The following GRIA4 variants were observed in gnomAD, a reference collection of about 807,000 sequenced individuals.
GRIA4 encodes glutamate ionotropic receptor AMPA type subunit 4, also known as glutamate receptor 4.
A neutral mutation model predicts 104.0 loss-of-function variants in GRIA4; 34 were observed. The ratio of observed to expected loss-of-function variants is 0.33; its 90% CI spans 0.25 to 0.44. The LOEUF is 0.44. GRIA4 is among the 20% of genes least tolerant of loss of function. The pLI is 1.00. For missense variants in GRIA4, 750 were observed against 1,096.5 expected (o/e 0.68, Z 4.46); for synonymous variants, 386 against 381.9 (o/e 1.01, Z -0.13).
At chr11:105,677,143 C>G (rs1422491166) in intron 3 of GRIA4, among the ~76,000 whole-genome samples, 14 of 151,638 alleles carry the variant, frequency 9.2e-5, no homozygotes, top group Non-Finnish European at 1.9e-4. Context: ...GAGTGACAAC[C>G]AAGTGATCCA....
rs368925012 is a variant in GRIA4 at position 105,901,630 on chromosome 11, G to A, written c.886-2184G>A. 1.4e-4 allele frequency among the ~76,000 whole-genome samples: 22 copies of A among 152,100 alleles called. 1 individual carries two copies. The highest frequency in any genetic ancestry group is 9.7e-4 in the East Asian group (5 of 5,168). On this transcript the variant is annotated intron_variant, in intron 7 of 16. Transcript: ENST00000282499. ...CTGATTTAAACTACTTTTTCTTTCC[G>A]TCTATCAGCTCTATGACCTGTCAAA...
intron 4 of GRIA4, chr11:105,797,664 C>A (rs981377252): frequency 2.9e-5 from 9 of 308,422 alleles, no homozygotes; most frequent in South Asian, 2.3e-4. Context: ...TCAACTTAAT[C>A]GTGCTACCTT....
intron 3 of GRIA4, among the ~76,000 whole-genome samples, chr11:105,632,240 C>A (rs1951051933): frequency 6.6e-6 from 1 of 152,180 alleles, no homozygotes; most frequent in Admixed American, 6.5e-5. Context: ...CCTCTCTCAT[C>A]TCTTATAATT....
intron 6 of GRIA4, among the ~76,000 whole-genome samples, chr11:105,896,580 T>C (rs1413981780): frequency 6.6e-6 from 1 of 152,090 alleles, no homozygotes; most frequent in African/African-American, 2.4e-5. Flanking sequence ...CTTTAATCTA[T>C]CTTAATTTTG....
At chr11:105,885,864 C>T (rs1946237706) in intron 5 of GRIA4, among the ~76,000 whole-genome samples, 1 of 152,188 alleles carries the variant, frequency 6.6e-6, no homozygotes. Flanking sequence ...CCAGTGATAC[C>T]AATATTGCAG....
intron 7 of GRIA4, among the ~76,000 whole-genome samples, chr11:105,900,321 T>TA (rs1481165873): frequency 6.6e-6 from 1 of 152,106 alleles, no homozygotes; most frequent in African/African-American, 2.4e-5. Flanking sequence ...TTCCCTGCTT[T>TA]AAAAAAATCT....
chr11:105,842,269 G>C lies in GRIA4; in HGVS notation c.488-19755G>C, dbSNP rs114949497. ...AGTAGAGAGAGAATGACATTGTAAGGACTCTTTCCTTTGCCCTGAGGGACA... is the reference window on the plus strand; with the variant it reads ...AGTAGAGAGAGAATGACATTGTAAGCACTCTTTCCTTTGCCCTGAGGGACA... On this transcript the variant is annotated intron_variant, in intron 4 of 16. Transcript: ENST00000282499. Among the ~76,000 whole-genome samples, 440 of 152,284 alleles carry C rather than the reference G, an allele frequency of 2.9e-3. 2 individuals carry two copies. Among genetic ancestry groups the C allele is most frequent in the African/African-American group, 1.0e-2 (415 of 41,562 alleles).
intron 10 of GRIA4, chr11:105,912,600 G>T (rs1447028410): frequency 1.1e-5 from 5 of 434,918 alleles, no homozygotes; most frequent in African/African-American, 1.1e-4. Flanking sequence ...TGACAGTAAA[G>T]CCATCAATAT....
chr11:105,695,459 TC>T (rs1953238264), intron 3 of GRIA4, among the ~76,000 whole-genome samples: 2 of 124,886 alleles, frequency 1.6e-5, no homozygotes, highest in Admixed American at 9.2e-5. Flanking sequence ...TGTGTGTGTG[TC>T]TGTGTGTGTG....
intron 3 of GRIA4, among the ~76,000 whole-genome samples, chr11:105,626,336 T>C (rs1003287854): frequency 3.3e-5 from 5 of 151,706 alleles, no homozygotes; most frequent in Admixed American, 6.6e-5. Context: ...CAACAGAAAA[T>C]TCACATTGGA....
intron 15 of GRIA4, 116 bp downstream of exon 15, chr11:105,972,144 A>G (rs1375840537): frequency 3.9e-5 from 22 of 567,600 alleles, no homozygotes; most frequent in Non-Finnish European, 6.7e-5. Flanking sequence ...ACCACTGCCT[A>G]AATTAAAAGC....
At chr11:105,737,720 C>G (rs141996155) in intron 3 of GRIA4, among the ~76,000 whole-genome samples, 81 of 152,204 alleles carry the variant, frequency 5.3e-4, no homozygotes, top group African/African-American at 1.9e-3. Flanking sequence ...AAAATCCCTT[C>G]AGCAGAGCAG....
At chr11:105,763,272 A>T (rs1168561740) in intron 4 of GRIA4, among the ~76,000 whole-genome samples, 1 of 152,090 alleles carries the variant, frequency 6.6e-6, no homozygotes. Flanking sequence ...AGAGGATAAG[A>T]AGTCTGGTTT....
chr11:105,690,282 T>C (rs1361845654), intron 3 of GRIA4, among the ~76,000 whole-genome samples: 1 of 152,212 alleles, frequency 6.6e-6, no homozygotes, highest in Non-Finnish European at 1.5e-5. Context: ...TTCCCTTATG[T>C]TTAATAATTT....
intron 3 of GRIA4, among the ~76,000 whole-genome samples, chr11:105,733,968 T>C (rs1938766041): frequency 6.7e-6 from 1 of 149,284 alleles, no homozygotes; most frequent in Non-Finnish European, 1.5e-5. Context: ...ATGATAACCA[T>C]ATTATCATTG....
chr11:105,924,825 T>G (rs1278424171), intron 12 of GRIA4, 56 bp downstream of exon 12: 2 of 1,310,208 alleles, frequency 1.5e-6, no homozygotes, highest in Non-Finnish European at 2.1e-6. Flanking sequence ...CTAAATGTTG[T>G]GCAGATTATC....
chr11:105,935,586 A>C (rs1245722759), intron 14 of GRIA4, among the ~76,000 whole-genome samples: 1 of 152,162 alleles, frequency 6.6e-6, no homozygotes, highest in East Asian at 1.9e-4. Flanking sequence ...ATTTTTTAAA[A>C]ATAGGAGGGA....
chr11:105,738,929 AC>A (rs1231421643), intron 3 of GRIA4, among the ~76,000 whole-genome samples: 26 of 114,494 alleles, frequency 2.3e-4, no homozygotes, highest in African/African-American at 5.3e-4. Context: ...GTAAAAAAAA[AC>A]AAAAAAAAAA....
Position 105,820,640 on chromosome 11 carries a change from AT to A in GRIA4, c.488-41376del, listed in dbSNP as rs527447186. On this transcript the variant is annotated intron_variant, in intron 4 of 16. Coordinates refer to ENST00000282499, the MANE Select transcript of GRIA4 (RefSeq NM_000829.4). Reference sequence around the variant, plus strand: ...GCTTTCCATCTATGTTGTCAGAATTATTTTTTTTCTGTTTATTTCCATTGAT... The same window carrying A: ...GCTTTCCATCTATGTTGTCAGAATTATTTTTTTCTGTTTATTTCCATTGAT... Among the ~76,000 whole-genome samples the A allele has an allele frequency of 1.2e-4, 18 of 151,858 alleles. No individual in the cohort carries two copies. In the South Asian group the frequency reaches 1.5e-3, roughly 12 times the overall value.
Sources: allele counts gnomAD v4.1 joint callset (sites outside exome capture counted in the v4.1 genomes callset), GRCh38; gene constraint gnomAD v4.1.1; transcripts MANE v1.5; gene names NCBI Gene and HGNC (gene_info 2026-07-23, HGNC 2026-07-21).